The following GIPC2 variants were observed in gnomAD, a reference collection of about 807,000 sequenced individuals.
GIPC2 encodes the protein PDZ domain-containing protein GIPC2.
A neutral mutation model predicts 30.6 loss-of-function variants in GIPC2; 30 were observed. The ratio of observed to expected loss-of-function variants is 0.98; its 90% confidence interval spans 0.73 to 1.33. The LOEUF is 1.33. Ranked by LOEUF, GIPC2 falls within the 40% of genes most tolerant of loss-of-function variation. GIPC2 has a pLI of 0.00. For synonymous variants in GIPC2, 167 were observed against 150.0 expected (o/e 1.11, Z -0.83); for missense variants, 414 against 390.3 (o/e 1.06, Z -0.51).
Position 78,046,313 on chromosome 1 carries a change from G to A in GIPC2, c.219G>A (p.Ala73=). The change falls in exon 1 of 6, where the codon GCG becomes GCA. Residue 73 remains alanine, a synonymous_variant. Transcript: ENST00000370759. ...IQELYAQIAG[A]FEISPSEILY... is the part of the protein sequence containing the mutation. ...AGCTCTACGCCCAGATCGCGGGCGC[G>A]TTTGAAATCTCGCCGTCGGAGGTAA... 6.2e-7 allele frequency: 1 copy of A among 1,611,266 alleles called. No homozygotes were observed. Among genetic ancestry groups the A allele is most frequent in the Non-Finnish European group, 8.5e-7 (1 of 1,179,410 alleles).
chr1:78,045,783 G>A (rs1661055009), upstream of GIPC2: 1 of 1,133,672 alleles, frequency 8.8e-7, no homozygotes, highest in Non-Finnish European at 1.1e-6. Flanking sequence ...GTTCTGTAGC[G>A]TCGGCATCCT....
chr1:78,090,129 G>A (rs571411008), intron 2 of GIPC2, among the ~76,000 whole-genome samples: 2 of 152,268 alleles, frequency 1.3e-5, no homozygotes, highest in Admixed American at 1.3e-4. Flanking sequence ...GTTCTGCTGT[G>A]AGCCATAGTT....
intron 1 of GIPC2, among the ~76,000 whole-genome samples, chr1:78,052,060 C>T (rs1029863350): frequency 1.3e-5 from 2 of 152,144 alleles, no homozygotes; most frequent in African/African-American, 4.8e-5. Context: ...TCTTCAGAAT[C>T]GTTGTTCCTT....
intron 1 of GIPC2, among the ~76,000 whole-genome samples, chr1:78,072,370 T>C (rs1661636870): frequency 1.3e-5 from 2 of 152,206 alleles, no homozygotes; most frequent in Admixed American, 1.3e-4. Context: ...TCTATGCATA[T>C]AATTGAAGAC....
chr1:78,111,851 GT>G (rs1274336648), intron 3 of GIPC2, among the ~76,000 whole-genome samples: 4 of 152,202 alleles, frequency 2.6e-5, no homozygotes, highest in Non-Finnish European at 5.9e-5. Context: ...AGGAACTGGG[GT>G]TTTAACTAAG....
At chr1:78,112,457 C>T (rs368193469) in intron 3 of GIPC2, 2 of 518,930 alleles carry the variant, frequency 3.9e-6, no homozygotes, top group South Asian at 2.8e-5. Flanking sequence ...AACTTGGATA[C>T]AGCAGTGTCC....
chr1:78,053,287 A>G (rs1176256233), intron 1 of GIPC2, among the ~76,000 whole-genome samples: 1 of 152,108 alleles, frequency 6.6e-6, no homozygotes, highest in East Asian at 1.9e-4. Flanking sequence ...AATTTCTCCT[A>G]CCTTACAGAT....
intron 1 of GIPC2, among the ~76,000 whole-genome samples, chr1:78,053,780 A>T (rs1449370898): frequency 1.3e-5 from 2 of 151,312 alleles, no homozygotes; most frequent in African/African-American, 4.9e-5. Context: ...AAAAAAAAAA[A>T]ATTAGCCAGA....
intron 3 of GIPC2, among the ~76,000 whole-genome samples, chr1:78,101,603 T>C (rs1662251120): frequency 6.6e-6 from 1 of 152,222 alleles, no homozygotes; most frequent in African/African-American, 2.4e-5. Flanking sequence ...GTTGAAAGTT[T>C]GTAGTTGAAT....
chr1:78,059,612 G>T (rs932415649), intron 1 of GIPC2, among the ~76,000 whole-genome samples: 19 of 152,098 alleles, frequency 1.2e-4, no homozygotes, highest in African/African-American at 3.6e-4. Flanking sequence ...GCATGGTGAT[G>T]TGTGCCTCTA....
intron 3 of GIPC2, among the ~76,000 whole-genome samples, chr1:78,114,668 A>C (rs1339150168): frequency 6.6e-6 from 1 of 152,054 alleles, no homozygotes; most frequent in Non-Finnish European, 1.5e-5. Context: ...GTATAGGAGG[A>C]GCTCAGAGGA....
intron 1 of GIPC2, among the ~76,000 whole-genome samples, chr1:78,068,160 GTTC>G (rs911199028): frequency 2.0e-5 from 3 of 151,646 alleles, no homozygotes; most frequent in African/African-American, 7.3e-5. Context: ...AATACATGTA[GTTC>G]TTCATGTCGT....
intron 4 of GIPC2, among the ~76,000 whole-genome samples, chr1:78,125,104 C>T (rs140051737): frequency 9.8e-5 from 15 of 152,292 alleles, no homozygotes; most frequent in African/African-American, 3.6e-4. Flanking sequence ...AATTATGGCT[C>T]ACTACAGCCT....
intron 2 of GIPC2, among the ~76,000 whole-genome samples, chr1:78,085,897 G>GTTTTTTTTTT (rs35412467): frequency 1.1e-4 from 13 of 120,306 alleles, no homozygotes; most frequent in East Asian, 2.5e-4. Context: ...TCTTTTGAAT[G>GTTTTTTTTTT]TTTTTTTTTT....
At chr1:78,129,985 A>T (rs930149626) in intron 5 of GIPC2, among the ~76,000 whole-genome samples, 36 of 151,718 alleles carry the variant, frequency 2.4e-4, no homozygotes, top group African/African-American at 7.0e-4. Flanking sequence ...TTTTCTTTTT[A>T]AAAATTTTAC....
chr1:78,119,073 G>A (rs774748564), intron 3 of GIPC2, among the ~76,000 whole-genome samples: 26 of 150,492 alleles, frequency 1.7e-4, no homozygotes, highest in Non-Finnish European at 2.2e-4. Context: ...TTGTGACTTT[G>A]ATGAAACCAC....
chr1:78,084,658 G>A (rs1368721457), intron 2 of GIPC2, among the ~76,000 whole-genome samples: 1 of 152,060 alleles, frequency 6.6e-6, no homozygotes, highest in East Asian at 1.9e-4. Context: ...TCACCTTCCT[G>A]GTTAGCTGTA....
chr1:78,084,950 T>C (rs929029407), intron 2 of GIPC2, among the ~76,000 whole-genome samples: 1 of 152,186 alleles, frequency 6.6e-6, no homozygotes, highest in Non-Finnish European at 1.5e-5. Context: ...GCCTGATTGC[T>C]CTGGCTAGGA....
intron 1 of GIPC2, among the ~76,000 whole-genome samples, chr1:78,064,555 GAT>G (rs1403761507): frequency 6.8e-6 from 1 of 147,502 alleles, no homozygotes; most frequent in East Asian, 1.9e-4. Flanking sequence ...GTTAGAAGAT[GAT>G]AAAAAGGGAG....
Sources: gnomAD v4.1 joint callset for allele counts (sites outside exome capture counted in the v4.1 genomes callset) on GRCh38, gnomAD v4.1.1 for gene constraint, MANE v1.5 for transcripts, NCBI Gene and HGNC (gene_info 2026-07-23, HGNC 2026-07-21) for gene names.